GOLIM4: variants seen among roughly 807,000 people sequenced by gnomAD.
GOLIM4 encodes 130 kDa golgi-localized phosphoprotein.
Under a neutral mutation model 107.4 loss-of-function variants are expected in GOLIM4, and 71 were observed. The observed-to-expected ratio is 0.66, with a 90% CI of 0.55 to 0.81. The LOEUF (loss-of-function observed/expected upper bound fraction) is 0.81, where lower values mean the gene tolerates loss of function less well. GOLIM4 is among the 30% of genes least tolerant of loss of function. The pLI, the probability that GOLIM4 is intolerant of heterozygous loss-of-function variation, is 0.00. For missense variants in GOLIM4, 830 were observed against 826.1 expected (o/e 1.00, Z -0.06); for synonymous variants, 327 against 294.8 (o/e 1.11, Z -1.12).
At chr3:168,030,503 G>C (rs1027327448) in intron 9 of GOLIM4, among the ~76,000 whole-genome samples, 1 of 101,202 alleles carries the variant, frequency 9.9e-6, no homozygotes, top group African/African-American at 4.2e-5. Context: ...CCCAGGCTAA[G>C]CATAGCCAAA....
intron 8 of GOLIM4, among the ~76,000 whole-genome samples, chr3:168,033,127 A>G (rs1718432946): frequency 6.6e-6 from 1 of 152,222 alleles, no homozygotes; most frequent in South Asian, 2.1e-4. Flanking sequence ...ATATCTCAGA[A>G]GTACTCTAAT....
intron 1 of GOLIM4, among the ~76,000 whole-genome samples, chr3:168,092,127 A>G (rs1257453400): frequency 6.6e-6 from 1 of 152,236 alleles, no homozygotes; most frequent in Non-Finnish European, 1.5e-5. Flanking sequence ...GCCTATAGAT[A>G]CAGACAATGG....
intron 3 of GOLIM4, 122 bp downstream of exon 3, chr3:168,046,828 C>A: frequency 2.2e-6 from 1 of 458,172 alleles, no homozygotes; most frequent in Non-Finnish European, 3.8e-6. Context: ...AAGGGGGTGT[C>A]AGTCCTATAA....
intron 1 of GOLIM4, among the ~76,000 whole-genome samples, chr3:168,075,919 T>C (rs147914619): frequency 3.2e-4 from 48 of 152,288 alleles, no homozygotes; most frequent in African/African-American, 1.1e-3. Flanking sequence ...AATAAGTGAC[T>C]AGTCACTTGC....
chr3:168,038,425 G>T (rs1718781776), intron 7 of GOLIM4, among the ~76,000 whole-genome samples: 1 of 152,084 alleles, frequency 6.6e-6, no homozygotes, highest in East Asian at 1.9e-4. Flanking sequence ...AATTCAACAG[G>T]TCTAGGACAA....
In GOLIM4 at chr3:168,010,314, GTCTTCTTCCTCC is replaced by G. The variant is rs747113201; in HGVS notation, c.2034_2045del (p.Glu678_Glu681del). On this transcript the variant is annotated inframe_deletion, in exon 16 of 16. Transcript: ENST00000470487. ...GTGATTTCTCAGCAACTGCAGCCCC[GTCTTCTTCCTCC>G]TCTTCTTCCTCCTCGTAGTGTTCCT... 9 of 1,613,584 alleles carry G rather than the reference GTCTTCTTCCTCC, an allele frequency of 5.6e-6. No homozygotes were observed. In the Admixed American group the frequency reaches 6.7e-5, roughly 12 times the overall value.
At chr3:168,011,644 G>A (rs1717040662) in intron 14 of GOLIM4, among the ~76,000 whole-genome samples, 1 of 150,952 alleles carries the variant, frequency 6.6e-6, no homozygotes, top group Admixed American at 6.6e-5. Context: ...AAATGTCCCT[G>A]TCTGACAGCT....
At chr3:168,061,740 C>T (rs775283173) in intron 1 of GOLIM4, among the ~76,000 whole-genome samples, 13 of 152,124 alleles carry the variant, frequency 8.5e-5, no homozygotes, top group South Asian at 8.3e-4. Flanking sequence ...AAAACAGGCA[C>T]GAGTGAAACT....
chr3:168,038,909 C>A (rs1718811165), intron 7 of GOLIM4, among the ~76,000 whole-genome samples: 1 of 152,118 alleles, frequency 6.6e-6, no homozygotes, highest in African/African-American at 2.4e-5. Context: ...AGTGCCCTTG[C>A]AAAGGGATCC....
chr3:168,076,760 AT>A (rs1721104945), intron 1 of GOLIM4, among the ~76,000 whole-genome samples: 1 of 152,252 alleles, frequency 6.6e-6, no homozygotes, highest in African/African-American at 2.4e-5. Flanking sequence ...AAATCAACAT[AT>A]TAAATGTCAA....
chr3:168,095,220 GA>G lies in GOLIM4; in HGVS notation c.65del (p.Val22AlafsTer50). ...RIFQTLLLLT[V>X]VFGFLYGAML... ...TCGCGCCGTAGAGAAAGCCGAACAC[GA>G]CGGTCAGCAGCAGCAGCGTCTGGAA... On this transcript the variant is annotated frameshift_variant, in exon 1 of 16. Coordinates refer to ENST00000470487, the MANE Select transcript of GOLIM4 (RefSeq NM_014498.5). LOFTEE classifies it high-confidence loss of function. The G allele has an allele frequency of 6.2e-7, 1 of 1,613,664 alleles. No individual in the cohort carries two copies. The highest frequency in any genetic ancestry group is 1.7e-4 in the Middle Eastern group (1 of 6,050).
chr3:168,046,069 T>C (rs1369813619), intron 3 of GOLIM4, among the ~76,000 whole-genome samples: 1 of 152,136 alleles, frequency 6.6e-6, no homozygotes, highest in Admixed American at 6.6e-5. Flanking sequence ...TTTGAAGTCT[T>C]GCTATTTTGC....
chr3:168,041,347 A>G (rs371454030), intron 6 of GOLIM4, 45 bp downstream of exon 6: 6 of 1,076,166 alleles, frequency 5.6e-6, no homozygotes, highest in Non-Finnish European at 8.6e-6. Flanking sequence ...TCTACCAAAT[A>G]AAGCAGGCAA....
chr3:168,094,118 C>A (rs961155200), intron 1 of GOLIM4, among the ~76,000 whole-genome samples: 4 of 151,580 alleles, frequency 2.6e-5, no homozygotes, highest in Admixed American at 6.6e-5. Flanking sequence ...TAAAAGCTTG[C>A]AAAAAAAATA....
At chr3:168,033,719 G>A (rs562180155) in intron 8 of GOLIM4, among the ~76,000 whole-genome samples, 1 of 142,598 alleles carries the variant, frequency 7.0e-6, no homozygotes, top group Non-Finnish European at 1.5e-5. Context: ...TATTTTTAAT[G>A]TATTAAAGTA....
chr3:168,013,493 TC>T (rs749516826), intron 14 of GOLIM4, among the ~76,000 whole-genome samples: 9,157 of 140,444 alleles, frequency 0.065, 463 homozygotes, highest in African/African-American at 0.13. Context: ...AGACAGAAAG[TC>T]AACAAGGATA....
intron 1 of GOLIM4, among the ~76,000 whole-genome samples, chr3:168,074,357 C>A (rs561379872): frequency 6.6e-6 from 1 of 152,302 alleles, no homozygotes; most frequent in Non-Finnish European, 1.5e-5. Context: ...AACTAGTCAA[C>A]TTTTCAGGAA....
chr3:168,017,888 T>C (rs1287263549), intron 14 of GOLIM4, among the ~76,000 whole-genome samples: 3 of 152,220 alleles, frequency 2.0e-5, no homozygotes, highest in Non-Finnish European at 4.4e-5. Context: ...TCATGTGCAC[T>C]ATTATTACTG....
At chr3:168,069,653 T>G (rs1203196148) in intron 1 of GOLIM4, among the ~76,000 whole-genome samples, 1 of 152,226 alleles carries the variant, frequency 6.6e-6, no homozygotes, top group African/African-American at 2.4e-5. Flanking sequence ...TTCCTGACTA[T>G]TCCACTTAAT....
Sources: gnomAD v4.1 joint callset for allele counts (sites outside exome capture counted in the v4.1 genomes callset) on GRCh38, gnomAD v4.1.1 for gene constraint, MANE v1.5 for transcripts, NCBI Gene and HGNC (gene_info 2026-07-23, HGNC 2026-07-21) for gene names.